The following EIF1 variants were observed in gnomAD, a reference collection of about 807,000 sequenced individuals.
EIF1 encodes the protein protein translation factor SUI1 homolog.
In EIF1, 4 loss-of-function variants were observed where a neutral mutation model predicts 13.7. The ratio of observed to expected loss-of-function variants is 0.29; its 90% CI spans 0.14 to 0.67. EIF1 has a LOEUF of 0.67. Among genes scored for constraint, EIF1 ranks in the 30% least tolerant of loss-of-function variants. The probability of loss-of-function intolerance (pLI) is 0.77; values close to 1 mark genes in which losing one functional copy is unlikely to be tolerated. For synonymous variants in EIF1, 67 were observed against 50.7 expected (o/e 1.32, Z -1.37); for missense variants, 64 against 138.0 (o/e 0.46, Z 2.69).
intron 1 of EIF1, chr17:41,689,353 G>C (rs1269211368): frequency 1.8e-6 from 1 of 562,408 alleles, no homozygotes; most frequent in Non-Finnish European, 3.1e-6. Context: ...CGCCCCTCCC[G>C]TCACCATTGC....
At position 41,691,568 on chromosome 17, in the gene EIF1, T is replaced by G. The variant is rs188337224; in HGVS notation, c.*742T>G. On this transcript the variant is annotated 3_prime_UTR_variant, in exon 4 of 4. Coordinates refer to ENST00000469257, the MANE Select transcript of EIF1 (RefSeq NM_005801.4). ...TGTGAAGTAACAAACTGGTTTTTGG[T>G]TTTTTTTTCCCCTTCAGTTTTAATG... is the stretch of plus-strand genomic sequence containing the variant. 8.1e-3 allele frequency: 1,226 copies of G among 152,070 alleles called. 11 individuals are homozygous for G. Among genetic ancestry groups the G allele is most frequent in the Non-Finnish European group, 0.012 (785 of 67,860 alleles). The allele number at this position is 152,070 out of a possible 1,614,324, so 9.4% of individuals were successfully genotyped here.
rs748719228 is a variant in EIF1, at chr17:41,690,887, C to G, written c.*61C>G. 5 of 1,585,418 alleles carry G rather than the reference C, an allele frequency of 3.2e-6. No homozygotes were observed. Among genetic ancestry groups the G allele is most frequent in the Non-Finnish European group, 4.3e-6 (5 of 1,155,918 alleles). On this transcript the variant is annotated 3_prime_UTR_variant, in exon 4 of 4. Coordinates refer to ENST00000469257, the MANE Select transcript of EIF1 (RefSeq NM_005801.4). The stretch of plus-strand genomic sequence containing the variant: ...CCTTGCAATGAGTAGAATTTCCCTT[C>G]TCTCCCTTGTCACAGGTTTAAAAAC...
At chr17:41,690,013 G>T in intron 2 of EIF1, 72 bp downstream of exon 2, 1 of 1,611,472 alleles carries the variant, frequency 6.2e-7, no homozygotes, top group Non-Finnish European at 8.5e-7. Context: ...TGTGTTGTAT[G>T]TATTGTTAGC....
At chr17:41,689,157 C>G in intron 1 of EIF1, 88 bp downstream of exon 1, 1 of 1,463,234 alleles carries the variant, frequency 6.8e-7, no homozygotes, top group Non-Finnish European at 9.5e-7. Context: ...CCAAGCGCTC[C>G]GGGCCTTCGT....
rs1470994076 is a variant in EIF1, at chr17:41,692,123, CAG to C, written c.*1300_*1301del. 1 of 152,256 alleles carries C rather than the reference CAG, an allele frequency of 6.6e-6. No homozygotes were observed. Among genetic ancestry groups the C allele is most frequent in the African/African-American group, 2.4e-5 (1 of 41,452 alleles). 9.4% of individuals were successfully genotyped at this position (152,256 alleles called of 1,614,324 possible). A position where few individuals can be genotyped will look rare whatever the true frequency, so the allele number is the denominator to read the frequency against. Reference sequence around the variant, plus strand: ...TCAACTGTTTTTGCAAGCATTTAGCCAGAGTCATGCTGTGCTGTTAATCAGTG... The same window carrying C: ...TCAACTGTTTTTGCAAGCATTTAGCCAGTCATGCTGTGCTGTTAATCAGTG... On this transcript the variant is annotated 3_prime_UTR_variant, in exon 4 of 4. Transcript: ENST00000469257.
At chr17:41,689,179 G>A in intron 1 of EIF1, 110 bp downstream of exon 1, 1 of 1,296,976 alleles carries the variant, frequency 7.7e-7, no homozygotes, top group Non-Finnish European at 1.1e-6. Context: ...AGCTCGGGCA[G>A]GGGAAACTTG....
chr17:41,690,073 C>T lies in EIF1; in HGVS notation c.196-15C>T. ...GCTCTTGCTAGGCCTAATTCGTTTTCCTTTGTGCTTGCAGAAGTTTGCCTG... is the reference window on the plus strand; with the variant it reads ...GCTCTTGCTAGGCCTAATTCGTTTTTCTTTGTGCTTGCAGAAGTTTGCCTG... On this transcript the variant is annotated splice_polypyrimidine_tract_variant and intron_variant, in intron 2 of 3. Coordinates refer to ENST00000469257, the MANE Select transcript of EIF1 (RefSeq NM_005801.4). The T allele has an allele frequency of 1.2e-6, 2 of 1,613,876 alleles. No homozygotes were observed. Among genetic ancestry groups the T allele is most frequent in the East Asian group, 2.2e-5 (1 of 44,882 alleles).
At chr17:41,689,600 A>C in intron 1 of EIF1, 178 bp from the exon 2 acceptor site, 1 of 555,488 alleles carries the variant, frequency 1.8e-6, no homozygotes, top group Non-Finnish European at 3.0e-6. Context: ...AGCCTGGGGA[A>C]GCTGGCCGTC....
At chr17:41,690,358 A>G in intron 3 of EIF1, 169 bp downstream of exon 3, 1 of 594,140 alleles carries the variant, frequency 1.7e-6, no homozygotes, top group South Asian at 2.2e-5. Context: ...AGCAGAAGGG[A>G]CTTGTCTACC....
At chr17:41,689,593 C>A (rs549139946) in intron 1 of EIF1, 185 bp from the exon 2 acceptor site, 3 of 545,626 alleles carry the variant, frequency 5.5e-6, no homozygotes, top group Admixed American at 3.7e-5. Context: ...TTCCCCGAGC[C>A]TGGGGAAGCT....
chr17:41,690,323 G>A (rs1256277907), intron 3 of EIF1, 134 bp downstream of exon 3: 4 of 651,494 alleles, frequency 6.1e-6, no homozygotes, highest in Non-Finnish European at 1.1e-5. Flanking sequence ...AAAGTACATA[G>A]ACTTATTTCT....
Position 41,692,188 on chromosome 17 carries a change from C to G in EIF1, c.*1362C>G, listed in dbSNP as rs576675174. On this transcript the variant is annotated 3_prime_UTR_variant, in exon 4 of 4. Coordinates refer to ENST00000469257, the MANE Select transcript of EIF1 (RefSeq NM_005801.4). ...GGTTGCTTGGAAATCTTGGCGCCCC[C>G]TCAGTAGTAACAGCCTTGGTTTAAG... 2.0e-5 allele frequency: 3 copies of G among 152,246 alleles called. No individual in the cohort carries two copies. The highest frequency in any genetic ancestry group is 1.3e-4 in the Admixed American group (2 of 15,282). The allele number at this position is 152,246 out of a possible 1,614,324, so 9.4% of individuals were successfully genotyped here.
intron 1 of EIF1, 128 bp downstream of exon 1, chr17:41,689,197 T>A: frequency 8.9e-7 from 1 of 1,122,568 alleles, no homozygotes; most frequent in Non-Finnish European, 1.3e-6. Flanking sequence ...TTGACCAGGG[T>A]CGCAGGGCAG....
At chr17:41,689,325 G>A in intron 1 of EIF1, 1 of 584,372 alleles carries the variant, frequency 1.7e-6, no homozygotes, top group South Asian at 2.0e-5. Context: ...TGGCTCCTGG[G>A]CCTCCTCGGG....
chr17:41,690,398 C>T (rs1910336572), intron 3 of EIF1: 2 of 574,004 alleles, frequency 3.5e-6, no homozygotes, highest in Non-Finnish European at 6.1e-6. Context: ...GGATCTACTT[C>T]ACAGATGCAA....
intron 1 of EIF1, chr17:41,689,421 G>C (rs764502116): frequency 8.0e-6 from 4 of 500,194 alleles, no homozygotes; most frequent in Non-Finnish European, 1.1e-5. Context: ...GGCGGTGCCA[G>C]CCCTAAGTGG....
rs553367147 is a variant in EIF1, at chr17:41,691,133, C to T, written c.*307C>T. The T allele has an allele frequency of 1.1e-4, 60 of 526,930 alleles. No homozygotes were observed. The highest frequency in any genetic ancestry group is 1.0e-3 in the African/African-American group (53 of 53,070). The allele number at this position is 526,930 out of a possible 1,614,324, so 32.6% of individuals were successfully genotyped here. ...GCCCTAAGATTACAAACAACTATGG[C>T]CGGAACCTCCTCAGCTCTCCCTCTG... On this transcript the variant is annotated 3_prime_UTR_variant, in exon 4 of 4. Coordinates refer to ENST00000469257, the MANE Select transcript of EIF1 (RefSeq NM_005801.4).
Position 41,692,473 on chromosome 17 carries a change from A to G in EIF1, c.*1647A>G, listed in dbSNP as rs1043114701. On this transcript the variant is annotated 3_prime_UTR_variant, in exon 4 of 4. Coordinates refer to ENST00000469257, the MANE Select transcript of EIF1 (RefSeq NM_005801.4). ...AAAAGGCAAAGTTCTTTCAGCACACATATCTGCATGCAGTCACGTGCTGCC... is the reference window on the plus strand; with the variant it reads ...AAAAGGCAAAGTTCTTTCAGCACACGTATCTGCATGCAGTCACGTGCTGCC... The G allele has an allele frequency of 2.6e-5, 4 of 152,210 alleles. No individual in the cohort carries two copies. The highest frequency in any genetic ancestry group is 4.4e-5 in the Non-Finnish European group (3 of 68,046). The allele number at this position is 152,210 out of a possible 1,614,324, so 9.4% of individuals were successfully genotyped here. A position where few individuals can be genotyped will look rare whatever the true frequency, so the allele number is the denominator to read the frequency against.
intron 3 of EIF1, chr17:41,690,415 A>G: frequency 1.7e-6 from 1 of 571,660 alleles, no homozygotes; most frequent in Non-Finnish European, 3.1e-6. Context: ...GCAAATTTGA[A>G]TAGCATATAG....
Sources: gnomAD v4.1 joint callset for allele counts on GRCh38, gnomAD v4.1.1 for gene constraint, MANE v1.5 for transcripts, NCBI Gene and HGNC (gene_info 2026-07-23, HGNC 2026-07-21) for gene names.